The following GBP1 variants were observed in gnomAD, a reference collection of about 807,000 sequenced individuals.
GBP1 encodes the protein guanylate-binding protein 1.
A neutral mutation model predicts 69.5 loss-of-function variants in GBP1; 64 were observed. The observed-to-expected ratio is 0.92, with a 90% CI of 0.75 to 1.13. GBP1 has a LOEUF of 1.13. Among genes scored for constraint, GBP1 ranks in the 50% most tolerant of loss-of-function variants. The pLI is 0.00. For missense variants in GBP1, 630 were observed against 704.1 expected (o/e 0.89, Z 1.19); for synonymous variants, 250 against 261.2 (o/e 0.96, Z 0.41).
chr1:89,055,349 T>C (rs2101221222), intron 8 of GBP1, 134 bp from the exon 9 acceptor site: 2 of 1,450,624 alleles, frequency 1.4e-6, no homozygotes, highest in East Asian at 2.4e-5. Flanking sequence ...TCAAATTCCC[T>C]GTCGGAGCGA....
chr1:89,054,224 T>C (rs1383161445), intron 10 of GBP1, among the ~76,000 whole-genome samples: 1 of 152,086 alleles, frequency 6.6e-6, no homozygotes, highest in Non-Finnish European at 1.5e-5. Flanking sequence ...CTCAGCTTCC[T>C]GAGTAGCTGG....
At chr1:89,055,732 C>T (rs1680026395) in intron 8 of GBP1, 2 of 499,972 alleles carry the variant, frequency 4.0e-6, no homozygotes, top group Admixed American at 6.8e-5. Flanking sequence ...CATTGGGTTC[C>T]TGTCTCTTGC....
At position 89,054,711 on chromosome 1, in the gene GBP1, G is replaced by C. The variant is rs773177476; in HGVS notation, c.1636C>G (p.Gln546Glu). 50 of 1,614,030 alleles carry C rather than the reference G, an allele frequency of 3.1e-5. No homozygotes were observed. Among genetic ancestry groups the C allele is most frequent in the African/African-American group, 5.3e-5 (4 of 74,934 alleles). Reference protein sequence around the residue: ...ENDRVQLLKEQERTLALKLQE... With the variant: ...ENDRVQLLKEEERTLALKLQE... Reference sequence around the variant, plus strand: ...AGTTTAAGAGCGAGGGTCCTCTCTTGCTCTTTCAGCAACTGGACCCTGTCG... The same window carrying C: ...AGTTTAAGAGCGAGGGTCCTCTCTTCCTCTTTCAGCAACTGGACCCTGTCG... Residue 546 changes from glutamine to glutamate, a missense_variant, in exon 10 of 11, where the codon CAA (glutamine) becomes GAA (glutamate). By Grantham distance (29) the Gln-to-Glu change is conservative. This residue lies in a region of GBP1 where 71 missense variants were observed against 72.7 expected (regional missense o/e 0.98). Coordinates refer to ENST00000370473, the MANE Select transcript of GBP1 (RefSeq NM_002053.3).
chr1:89,057,954 C>T (rs763524805), intron 6 of GBP1, 38 bp downstream of exon 6: 51 of 1,583,292 alleles, frequency 3.2e-5, no homozygotes, highest in Non-Finnish European at 4.0e-5. Flanking sequence ...CTCCTCTAGT[C>T]TTAAACAATG....
intron 1 of GBP1, among the ~76,000 whole-genome samples, chr1:89,064,238 T>TGAGA (rs1481034669): frequency 1.1e-3 from 125 of 112,856 alleles, no homozygotes; most frequent in Admixed American, 5.5e-3. Context: ...TGTGTGTGTG[T>TGAGA]GTGAGAGAGA....
Position 89,060,292 on chromosome 1 carries a change from T to C in GBP1, c.223A>G (p.Thr75Ala), listed in dbSNP as rs141853315. Residue 75 changes from threonine (T) to alanine (A), a missense_variant, in exon 3 of 11, where the codon ACT (threonine) becomes GCT (alanine). Thr to Ala is a moderately conservative substitution (Grantham distance 58, BLOSUM62 0). Around this residue, in one of 5 missense-constraint regions of GBP1, gnomAD observed 131 missense variants for 138.5 expected, o/e 0.95. Transcript: ENST00000370473. Reference protein sequence around the residue: ...FSLGSTVQSHTKGIWMWCVPH... With the variant: ...FSLGSTVQSHAKGIWMWCVPH... ...ACACACCACATCCAGATTCCTTTAG[T>C]GTGAGACTGCACCGTGGAGCCCAGA... is the stretch of plus-strand genomic sequence containing the variant. 2 of 1,602,134 alleles carry C rather than the reference T, an allele frequency of 1.2e-6. No homozygotes were observed. Among genetic ancestry groups the C allele is most frequent in the South Asian group, 2.2e-5 (2 of 88,896 alleles).
At position 89,060,200 on chromosome 1, in the gene GBP1, C is replaced by T; in HGVS notation, c.315G>A (p.Glu105=). The T allele has an allele frequency of 1.3e-6, 2 of 1,595,948 alleles. No individual in the cohort carries two copies. The highest frequency in any genetic ancestry group is 1.7e-6 in the Non-Finnish European group (2 of 1,173,210). The part of the protein sequence containing the change: ...LLDTEGLGDV[E]KGDNQNDSWI... ...CAACTGGATCCTTGAGTCTCACCTT[C>T]TCTACATCTCCCAGACCCTCGGTGT... Residue 105 remains glutamate (E), a synonymous_variant, in exon 3 of 11, where the codon GAG becomes GAA. Transcript: ENST00000370473.
rs1323233988 is a variant in GBP1 at position 89,056,033 on chromosome 1, G to T, written c.1351C>A (p.Pro451Thr). The T allele has an allele frequency of 1.9e-6, 3 of 1,613,872 alleles. No homozygotes were observed. The highest frequency in any genetic ancestry group is 2.2e-5 in the East Asian group (1 of 44,876). The change falls in exon 8 of 11, where the codon CCG (proline) becomes ACG (threonine). Residue 451 changes from proline to threonine, a missense_variant. Physicochemically the swap from Pro to Thr is conservative, Grantham distance 38. Around this residue, in one of 5 missense-constraint regions of GBP1, gnomAD observed 367 missense variants for 369.5 expected, o/e 0.99. Transcript: ENST00000370473. ...TTGGTTACCTGTATCCCCTTCCTCG[G>T]TTCCTCATAGTACTTTTTCTTCAGG... ...QDLKKKYYEE[P>T]RKGIQAEEIL... is the part of the protein sequence containing the mutation.
Position 89,058,759 on chromosome 1 carries a change from G to A in GBP1, c.631+82C>T, listed in dbSNP as rs147946649. ...GAAGACATAGAAAACTGCAAATGCT[G>A]GAAAACTAGCAATAGTAAACTGAAA... On this transcript the variant is annotated intron_variant, in intron 5 of 10. Transcript: ENST00000370473. 4.3e-4 allele frequency: 646 copies of A among 1,486,736 alleles called. No homozygotes were observed. In the African/African-American group the frequency reaches 8.3e-3, roughly 19 times the overall value. The allele number at this position is 1,486,736 out of a possible 1,614,324, so 92.1% of individuals were successfully genotyped here. A position where few individuals can be genotyped will look rare whatever the true frequency, so the allele number is the denominator to read the frequency against.
chr1:89,060,165 G>A (rs762056310), intron 3 of GBP1, 32 bp downstream of exon 3: 3 of 1,566,702 alleles, frequency 1.9e-6, no homozygotes, highest in Non-Finnish European at 2.6e-6. Flanking sequence ...GAGAGGAGGG[G>A]CTTACTCCAC....
intron 7 of GBP1, 80 bp downstream of exon 7, chr1:89,056,774 A>T (rs954152794): frequency 3.4e-5 from 50 of 1,471,980 alleles, no homozygotes; most frequent in Non-Finnish European, 4.6e-5. Flanking sequence ...TACTTCCGTC[A>T]AAATAAATAA....
Position 89,057,998 on chromosome 1 carries a change from C to T in GBP1, c.868G>A (p.Gly290Arg), listed in dbSNP as rs747077037. ...TACTAGGAAGGGGACTTACGAGGCCCGTTGACCTGGATGCCTCCTGAAAGA... is the reference window on the plus strand; with the variant it reads ...TACTAGGAAGGGGACTTACGAGGCCTGTTGACCTGGATGCCTCCTGAAAGA... ...KTLSGGIQVN[G>R]PRLESLVLTY... Residue 290 changes from glycine (G) to arginine (R), a missense_variant, in exon 6 of 11, where the codon GGG becomes AGG. Gly to Arg is a moderately radical substitution (Grantham distance 125). Coordinates refer to ENST00000370473, the MANE Select transcript of GBP1 (RefSeq NM_002053.3). The T allele has an allele frequency of 1.9e-5, 31 of 1,611,430 alleles. No homozygotes were observed. Among genetic ancestry groups the T allele is most frequent in the Non-Finnish European group, 2.3e-5 (27 of 1,178,896 alleles).
At chr1:89,057,357 T>C (rs527592370) in intron 6 of GBP1, among the ~76,000 whole-genome samples, 49 of 152,336 alleles carry the variant, frequency 3.2e-4, no homozygotes, top group Non-Finnish European at 5.4e-4. Context: ...CATACCAACA[T>C]TTGAGAGTTC....
In GBP1 at chr1:89,059,404, C is replaced by T. The variant is rs758090519; in HGVS notation, c.341G>A (p.Trp114Ter). ...CAGGAGGACGGCCAGGGCGAAGATCCAGGAGTCATTCTGGTTGTCACCCTG... is the reference window on the plus strand; with the variant it reads ...CAGGAGGACGGCCAGGGCGAAGATCTAGGAGTCATTCTGGTTGTCACCCTG... Reference protein sequence around the residue: ...VEKGDNQNDSWIFALAVLLSS... With the variant: ...VEKGDNQNDS The change falls in exon 4 of 11, where the codon TGG becomes TAG. Residue 114 changes from tryptophan to a stop codon, truncating the protein, a stop_gained. Transcript: ENST00000370473. LOFTEE classifies it high-confidence loss of function. The T allele has an allele frequency of 1.9e-6, 3 of 1,614,032 alleles. No individual in the cohort carries two copies. The highest frequency in any genetic ancestry group is 1.1e-5 in the South Asian group (1 of 91,074).
At position 89,056,557 on chromosome 1, in the gene GBP1, T is replaced by G. The variant is rs555930134; in HGVS notation, c.1155+297A>C. On this transcript the variant is annotated intron_variant, in intron 7 of 10. Transcript: ENST00000370473. ...ATAAGTAGGATGAAAATTTTCTTTGTGTTTGGCTAGAATATCAAATCAGTC... is the reference window on the plus strand; with the variant it reads ...ATAAGTAGGATGAAAATTTTCTTTGGGTTTGGCTAGAATATCAAATCAGTC... Among the ~76,000 whole-genome samples, 124 of 152,364 alleles carry G rather than the reference T, an allele frequency of 8.1e-4. 4 individuals carry two copies. The South Asian group carries it at 0.025, about 30-fold the overall frequency.
chr1:89,064,699 A>C (rs1006804044), intron 1 of GBP1, among the ~76,000 whole-genome samples: 8 of 152,040 alleles, frequency 5.3e-5, no homozygotes, highest in Non-Finnish European at 1.0e-4. Flanking sequence ...TGGGCTGCTT[A>C]CTCTGCTTCT....
At chr1:89,058,297 T>C in intron 5 of GBP1, 63 bp from the exon 6 acceptor site, 1 of 1,383,494 alleles carries the variant, frequency 7.2e-7, no homozygotes, top group South Asian at 1.4e-5. Flanking sequence ...AAGGGCCAAA[T>C]AGTAAATATT....
At position 89,058,239 on chromosome 1, in the gene GBP1, A is replaced by G; in HGVS notation, c.632-5T>C. On this transcript the variant is annotated splice_region_variant and splice_polypyrimidine_tract_variant and intron_variant, in intron 5 of 10. Transcript: ENST00000370473. ...TTTCATCTTTTTGACTGGTACCTAG[A>G]AAAACATTTAAAAAATTATAAAATT... 6.4e-7 allele frequency: 1 copy of G among 1,568,802 alleles called. No homozygotes were observed. Among genetic ancestry groups the G allele is most frequent in the East Asian group, 2.2e-5 (1 of 44,594 alleles).
chr1:89,060,574 A>G (rs1156731512), intron 2 of GBP1, among the ~76,000 whole-genome samples: 3 of 152,238 alleles, frequency 2.0e-5, no homozygotes, highest in Non-Finnish European at 4.4e-5. Flanking sequence ...AATAAATGCC[A>G]TGTATTAAAA....
Sources: gnomAD v4.1 joint callset for allele counts (sites outside exome capture counted in the v4.1 genomes callset) on GRCh38, gnomAD v4.1.1 for gene constraint, gnomAD v4.1.1 regional missense constraint, MANE v1.5 for transcripts, NCBI Gene and HGNC (gene_info 2026-07-23, HGNC 2026-07-21) for gene names.